TBCD: variants seen among roughly 807,000 people sequenced by gnomAD.
TBCD encodes tubulin-specific chaperone D.
Under a neutral mutation model 169.3 loss-of-function variants are expected in TBCD, and 105 were observed. The ratio of observed to expected loss-of-function variants is 0.62; its 90% confidence interval spans 0.53 to 0.73. TBCD has a LOEUF of 0.73. TBCD is among the 30% of genes least tolerant of loss of function. TBCD has a pLI of 0.00. For synonymous variants in TBCD, 700 were observed against 643.9 expected, an observed-to-expected ratio of 1.09 and a Z score of -1.32; for missense variants, 1,444 against 1,600.1, an observed-to-expected ratio of 0.90 and a Z score of 1.66.
rs1568052849 is a variant in TBCD at position 82,923,566 on chromosome 17, C to T, written c.2179-86C>T. On this transcript the variant is annotated intron_variant, in intron 25 of 38. Coordinates refer to ENST00000355528, the MANE Select transcript of TBCD (RefSeq NM_005993.5). This position sits in a 1 kb window ranked among gnomAD's most constrained non-coding sequence, Gnocchi z 4.6. ...CGGTGTCCCTGGTCAGGTGCTTCTC[C>T]GACTTCAGAGTGACCTGCTCTGTCC... 17 of 1,153,506 alleles carry T rather than the reference C, an allele frequency of 1.5e-5. No individual in the cohort carries two copies. Among genetic ancestry groups the T allele is most frequent in the East Asian group, 5.2e-5 (2 of 38,588 alleles). The allele number at this position is 1,153,506 out of a possible 1,614,324, so 71.5% of individuals were successfully genotyped here. A position where few individuals can be genotyped will look rare whatever the true frequency, so the allele number is the denominator to read the frequency against.
chr17:82,766,402 C>A (rs768676203), intron 4 of TBCD, 34 bp downstream of exon 4: 1 of 1,536,138 alleles, frequency 6.5e-7, no homozygotes, highest in Non-Finnish European at 9.0e-7. Flanking sequence ...CGTCTCCAGC[C>A]CTCCGTGCCT....
rs1308889288 is a variant in TBCD, at chr17:82,943,483, G to A, written c.*1020G>A. Reference sequence around the variant, plus strand: ...ACCCTTTCCCTATGTGAGGAGCCCAGGGGTGCCATGTGCGTGGTGTAGATT... The same window carrying A: ...ACCCTTTCCCTATGTGAGGAGCCCAAGGGTGCCATGTGCGTGGTGTAGATT... On this transcript the variant is annotated 3_prime_UTR_variant, in exon 39 of 39. Transcript: ENST00000355528. 1 of 152,296 alleles carries A rather than the reference G, an allele frequency of 6.6e-6. No homozygotes were observed. Among genetic ancestry groups the A allele is most frequent in the Non-Finnish European group, 1.5e-5 (1 of 68,120 alleles). 9.4% of individuals were successfully genotyped at this position (152,296 alleles called of 1,614,324 possible).
chr17:82,896,957 T>G (rs2059531700), intron 17 of TBCD, among the ~76,000 whole-genome samples: 1 of 151,884 alleles, frequency 6.6e-6, no homozygotes, highest in Non-Finnish European at 1.5e-5. Context: ...GCCATTGTCA[T>G]GGGGGTGTGG....
chr17:82,771,222 C>T (rs1342620599), intron 5 of TBCD, among the ~76,000 whole-genome samples: 1 of 152,016 alleles, frequency 6.6e-6, no homozygotes, highest in African/African-American at 2.4e-5. Context: ...GCCTGTAATT[C>T]CAGCACTTTG....
At chr17:82,824,878 A>T (rs891425510) in intron 13 of TBCD, among the ~76,000 whole-genome samples, 23 of 152,100 alleles carry the variant, frequency 1.5e-4, no homozygotes, top group Admixed American at 6.5e-5. Context: ...AAAAATTACG[A>T]GTGTTTAGTT....
rs1037788186 is a variant in TBCD at position 82,890,465 on chromosome 17, C to G, written c.1563+768C>G. 9.2e-5 allele frequency among the ~76,000 whole-genome samples: 14 copies of G among 152,090 alleles called. No individual in the cohort carries two copies. The highest frequency in any genetic ancestry group is 3.4e-4 in the African/African-American group (14 of 41,406). On this transcript the variant is annotated intron_variant, in intron 16 of 38. Transcript: ENST00000355528. The surrounding 1 kb of genome is among the most constrained non-coding windows in gnomAD (Gnocchi z 5.3). ...CATGGGGTGGACGTGGGCCTGCGGA[C>G]CCTTCTGACCTGTGGGGAGCCCTCC...
At chr17:82,892,017 A>T (rs141007243) in intron 16 of TBCD, among the ~76,000 whole-genome samples, 1 of 151,888 alleles carries the variant, frequency 6.6e-6, no homozygotes, top group African/African-American at 2.4e-5. Flanking sequence ...GCCTGTCCAC[A>T]CCCAGGCCCC....
Position 82,930,225 on chromosome 17 carries a change from A to G in TBCD, c.2992-297A>G. ...ATTATCAAATCCCGCTTCAGTGGGA[A>G]ACGTGAGCGAAACCCAAGGTGAGTG... On this transcript the variant is annotated intron_variant, in intron 32 of 38. Transcript: ENST00000355528. The surrounding 1 kb of genome is among the most constrained non-coding windows in gnomAD (Gnocchi z 5.2). 2 of 416,208 alleles carry G rather than the reference A, an allele frequency of 4.8e-6. No individual in the cohort carries two copies. Among genetic ancestry groups the G allele is most frequent in the Non-Finnish European group, 8.7e-6 (2 of 229,514 alleles). 25.8% of individuals were successfully genotyped at this position (416,208 alleles called of 1,614,324 possible).
At chr17:82,760,838 G>C (rs2047715521) in intron 2 of TBCD, among the ~76,000 whole-genome samples, 1 of 152,148 alleles carries the variant, frequency 6.6e-6, no homozygotes, top group Non-Finnish European at 1.5e-5. Context: ...GGGTTTGTGT[G>C]TATTCAGCAT....
intron 13 of TBCD, among the ~76,000 whole-genome samples, chr17:82,843,643 C>A (rs1324936519): frequency 1.3e-5 from 2 of 150,964 alleles, no homozygotes; most frequent in Non-Finnish European, 2.9e-5. Flanking sequence ...CCAGCTTAAT[C>A]GTCTTGCTGC....
In TBCD at chr17:82,752,086, A is replaced by C. The variant is rs966824277; in HGVS notation, c.-108A>C. On this transcript the variant is annotated 5_prime_UTR_variant, in exon 1 of 39. Coordinates refer to ENST00000355528, the MANE Select transcript of TBCD (RefSeq NM_005993.5). ...CGGGGCCAGCGTCGGTTGCCGCCTT[A>C]GCGGGCGCCTCCTTTTCATCCCTCA... 2.1e-4 allele frequency: 260 copies of C among 1,250,236 alleles called. No homozygotes were observed. Among genetic ancestry groups the C allele is most frequent in the Non-Finnish European group, 2.6e-4 (253 of 960,734 alleles). The allele number at this position is 1,250,236 out of a possible 1,614,324, so 77.4% of individuals were successfully genotyped here.
At chr17:82,836,615 C>T (rs549890025) in intron 13 of TBCD, among the ~76,000 whole-genome samples, 24 of 152,070 alleles carry the variant, frequency 1.6e-4, no homozygotes, top group African/African-American at 5.8e-4. Flanking sequence ...GCAAATGATT[C>T]CCTCAGGATT....
chr17:82,932,760 C>T (rs372718064), intron 34 of TBCD, 25 bp downstream of exon 34: 1 of 1,611,788 alleles, frequency 6.2e-7, no homozygotes, highest in Non-Finnish European at 8.5e-7. Flanking sequence ...TTCATGACTT[C>T]CTTTCCGATT....
rs539258898 is a variant in TBCD at position 82,802,348 on chromosome 17, A to G, written c.950+1352A>G. Among the ~76,000 whole-genome samples the G allele has an allele frequency of 1.1e-4, 17 of 152,176 alleles. 1 individual carries two copies. In the South Asian group the frequency reaches 3.5e-3, roughly 32 times the overall value. On this transcript the variant is annotated intron_variant, in intron 9 of 38. Transcript: ENST00000355528. The stretch of plus-strand genomic sequence containing the variant: ...CACACTCCGTCCTGGATGATGGCAA[A>G]TTCCAGAGACGCGTGTTGTGTTGCA...
rs2047391434 is a variant in TBCD, at chr17:82,756,186, A to G, written c.206A>G (p.Glu69Gly). The G allele has an allele frequency of 1.2e-6, 2 of 1,610,470 alleles. No individual in the cohort carries two copies. The highest frequency in any genetic ancestry group is 3.4e-5 in the Admixed American group (2 of 59,520). ...TTAGTAATAATGGACAAATACCAGGAGCAGCCTCATCTGTTGGACCCGCAC... is the reference window on the plus strand; with the variant it reads ...TTAGTAATAATGGACAAATACCAGGGGCAGCCTCATCTGTTGGACCCGCAC... Reference protein sequence around the residue: ...RFRVIMDKYQEQPHLLDPHLE... With the variant: ...RFRVIMDKYQGQPHLLDPHLE... The change falls in exon 2 of 39, where the codon GAG becomes GGG. Residue 69 changes from glutamate to glycine, a missense_variant. Physicochemically the swap from Glu to Gly is moderately conservative, Grantham distance 98. Transcript: ENST00000355528.
intron 13 of TBCD, among the ~76,000 whole-genome samples, chr17:82,869,242 C>T (rs75122502): frequency 0.012 from 1,801 of 152,310 alleles, 34 homozygotes; most frequent in African/African-American, 0.041. Context: ...CGAACAAATA[C>T]AGTAAAACTT....
rs2059093704 is a variant in TBCD at position 82,890,977 on chromosome 17, G to A, written c.1563+1280G>A. Among the ~76,000 whole-genome samples, 1 of 152,270 alleles carries A rather than the reference G, an allele frequency of 6.6e-6. No homozygotes were observed. Among genetic ancestry groups the A allele is most frequent in the Non-Finnish European group, 1.5e-5 (1 of 68,048 alleles). On this transcript the variant is annotated intron_variant, in intron 16 of 38. Coordinates refer to ENST00000355528, the MANE Select transcript of TBCD (RefSeq NM_005993.5). This position sits in a 1 kb window ranked among gnomAD's most constrained non-coding sequence, Gnocchi z 5.3. ...CTTCCTGGAAAGTGAGAGCCCAGGAGAAGAAGTCTCCCTGTCCCTGGGCTT... is the reference window on the plus strand; with the variant it reads ...CTTCCTGGAAAGTGAGAGCCCAGGAAAAGAAGTCTCCCTGTCCCTGGGCTT...
chr17:82,911,582 G>A (rs923282921), intron 22 of TBCD, among the ~76,000 whole-genome samples, 176 bp from the exon 23 acceptor site: 1 of 152,230 alleles, frequency 6.6e-6, no homozygotes, highest in African/African-American at 2.4e-5. Flanking sequence ...TCTGGAAGAT[G>A]GCTGTACCAC....
At position 82,927,385 on chromosome 17, in the gene TBCD, G is replaced by A. The variant is rs2061844679; in HGVS notation, c.2609+62G>A. 1.2e-5 allele frequency: 18 copies of A among 1,557,394 alleles called. No homozygotes were observed. In the South Asian group the frequency reaches 1.2e-4, roughly 10 times the overall value. On this transcript the variant is annotated intron_variant, in intron 29 of 38. Coordinates refer to ENST00000355528, the MANE Select transcript of TBCD (RefSeq NM_005993.5). ...AAGCCCATCTATTCCGTGGAAACTC[G>A]GAGGCCCCGGGCTTTTCTGCAGGGA...
Sources: gnomAD v4.1 joint callset for allele counts (sites outside exome capture counted in the v4.1 genomes callset) on GRCh38, gnomAD v4.1.1 for gene constraint, Gnocchi (gnomAD v3.1) non-coding constraint, MANE v1.5 for transcripts, NCBI Gene and HGNC (gene_info 2026-07-23, HGNC 2026-07-21) for gene names.